Variants in MAP4 observed in about 807,000 individuals in gnomAD.
The protein encoded by MAP4 is microtubule associated protein 4.
In MAP4, 76 loss-of-function variants were observed where a neutral mutation model predicts 170.2. The observed-to-expected ratio is 0.45, with a 90% CI of 0.37 to 0.54. The LOEUF is 0.54. Among genes scored for constraint, MAP4 ranks in the 20% least tolerant of loss-of-function variants. The pLI, the probability that MAP4 is intolerant of heterozygous loss-of-function variation, is 0.00. For missense variants in MAP4, 2,506 were observed against 2,748.0 expected (o/e 0.91, Z 1.97); for synonymous variants, 909 against 994.5 (o/e 0.91, Z 1.62).
chr3:47,949,436 A>G (rs1329576236), intron 3 of MAP4, among the ~76,000 whole-genome samples: 2 of 148,636 alleles, frequency 1.3e-5, no homozygotes, highest in African/African-American at 5.0e-5. Context: ...ACTGCACTCC[A>G]ACCTGGGCAA....
chr3:48,004,610 T>G (rs2100101200), intron 1 of MAP4, among the ~76,000 whole-genome samples: 1 of 152,114 alleles, frequency 6.6e-6, no homozygotes. Context: ...AGACATAAGC[T>G]CTTATCATGC....
chr3:48,014,894 T>C (rs545405376), intron 1 of MAP4, among the ~76,000 whole-genome samples: 10 of 152,278 alleles, frequency 6.6e-5, no homozygotes, highest in African/African-American at 2.4e-4. Context: ...GATGGTTCTA[T>C]TGAAGATGTC....
intron 17 of MAP4, among the ~76,000 whole-genome samples, chr3:47,862,767 G>A (rs891643950): frequency 1.3e-5 from 2 of 151,828 alleles, no homozygotes; most frequent in African/African-American, 4.8e-5. Context: ...GTGAGCCACC[G>A]CGCCCAGCTA....
At chr3:47,946,437 T>C (rs2100059956) in intron 3 of MAP4, among the ~76,000 whole-genome samples, 2 of 150,894 alleles carry the variant, frequency 1.3e-5, no homozygotes, top group Admixed American at 1.3e-4. Flanking sequence ...GCAGATCACC[T>C]GAGGTCAGGA....
intron 20 of MAP4, 100 bp from the exon 21 acceptor site, chr3:47,853,038 G>A: frequency 1.9e-6 from 3 of 1,614,204 alleles, no homozygotes; most frequent in Middle Eastern, 1.6e-4. Flanking sequence ...ATCATTAGAT[G>A]CCTGGAAAAT....
intron 1 of MAP4, 29 bp from the exon 2 acceptor site, chr3:47,998,908 T>A (rs766011201): frequency 8.1e-7 from 1 of 1,237,700 alleles, no homozygotes; most frequent in Admixed American, 1.7e-5. Context: ...ATCTTTCATG[T>A]AACGAGCACT....
At position 47,859,713 on chromosome 3, in the gene MAP4, A is replaced by T. The variant is rs545441504; in HGVS notation, c.6502-2201T>A. 2.4e-4 allele frequency among the ~76,000 whole-genome samples: 36 copies of T among 152,374 alleles called. No individual in the cohort carries two copies. The South Asian group carries it at 7.3e-3, about 31-fold the overall frequency. On this transcript the variant is annotated intron_variant, in intron 17 of 20. Transcript: ENST00000683076. ...GATAATTACATACAGAGTAGTTACT[A>T]CTGTGAAAACACACAGCCTCTACTT...
intron 17 of MAP4, among the ~76,000 whole-genome samples, chr3:47,865,782 G>A (rs1283468273): frequency 6.6e-6 from 1 of 152,240 alleles, no homozygotes; most frequent in African/African-American, 2.4e-5. Context: ...GGCAGGGGCT[G>A]TACATGGCGG....
intron 3 of MAP4, among the ~76,000 whole-genome samples, chr3:47,941,110 C>A (rs1266951245): frequency 6.6e-6 from 1 of 150,664 alleles, no homozygotes; most frequent in African/African-American, 2.4e-5. Flanking sequence ...AACTCCTGAT[C>A]TCAGGTGATC....
chr3:47,891,378 C>G, intron 10 of MAP4: 1 of 1,536,046 alleles, frequency 6.5e-7, no homozygotes, highest in Non-Finnish European at 8.7e-7. Flanking sequence ...GGCAGTTTCC[C>G]AGGGCTCAAT....
At chr3:47,971,397 C>T (rs1444596011) in intron 3 of MAP4, among the ~76,000 whole-genome samples, 1 of 152,164 alleles carries the variant, frequency 6.6e-6, no homozygotes, top group Non-Finnish European at 1.5e-5. Context: ...TTTTCTGATG[C>T]TAAATCCTTT....
At chr3:47,857,351 C>T in intron 18 of MAP4, 80 bp downstream of exon 18, 1 of 1,152,866 alleles carries the variant, frequency 8.7e-7, no homozygotes, top group Non-Finnish European at 1.3e-6. Context: ...GAAACCCTTG[C>T]CAGCCAGCTG....
intron 17 of MAP4, among the ~76,000 whole-genome samples, chr3:47,864,813 G>C (rs1241889277): frequency 6.6e-6 from 1 of 152,232 alleles, no homozygotes; most frequent in Non-Finnish European, 1.5e-5. Context: ...GTTGCAGTGA[G>C]CCGAGATTAC....
intron 10 of MAP4, among the ~76,000 whole-genome samples, chr3:47,890,061 A>G (rs1051929900): frequency 2.0e-5 from 3 of 152,182 alleles, no homozygotes; most frequent in Non-Finnish European, 4.4e-5. Flanking sequence ...TAAATATTAG[A>G]GAAAACAGGT....
intron 2 of MAP4, chr3:47,987,408 G>A: frequency 2.0e-6 from 3 of 1,533,254 alleles, no homozygotes; most frequent in Non-Finnish European, 2.6e-6. Context: ...AAGAAAGGCT[G>A]GCAGGGTGTG....
At chr3:48,071,682 T>C (rs2100141096) in intron 1 of MAP4, among the ~76,000 whole-genome samples, 2 of 152,140 alleles carry the variant, frequency 1.3e-5, no homozygotes. Context: ...TCCAGCACTT[T>C]GGGAGGCCAA....
intron 1 of MAP4, among the ~76,000 whole-genome samples, chr3:48,077,783 C>T (rs2100144704): frequency 6.6e-6 from 1 of 151,998 alleles, no homozygotes. Flanking sequence ...AAATGCAACC[C>T]AAATGTTCAT....
chr3:47,858,605 GTGTGTGTGTGCGCGT>G (rs1374712564), intron 17 of MAP4, among the ~76,000 whole-genome samples: 50 of 139,318 alleles, frequency 3.6e-4, no homozygotes, highest in African/African-American at 1.4e-3. Context: ...GTGTGTGTGT[GTGTGTGTGTGCGCGT>G]TGTGTGTGTG....
chr3:47,877,195 C>T lies in MAP4; in HGVS notation c.5541+222G>A. On this transcript the variant is annotated intron_variant, in intron 11 of 20. Transcript: ENST00000683076. ...CCCGGCCTCTACAGAACATTTTTTA[C>T]AGATATATAAGATAATAGGGTCAAA... 3 of 435,346 alleles carry T rather than the reference C, an allele frequency of 6.9e-6. 1 individual carries two copies. In the South Asian group the frequency reaches 7.6e-5, roughly 11 times the overall value. The allele number at this position is 435,346 out of a possible 1,614,324, so 27.0% of individuals were successfully genotyped here. A position where few individuals can be genotyped will look rare whatever the true frequency, so the allele number is the denominator to read the frequency against.
Sources: gnomAD v4.1 joint callset for allele counts (sites outside exome capture counted in the v4.1 genomes callset) on GRCh38, gnomAD v4.1.1 for gene constraint, MANE v1.5 for transcripts, NCBI Gene and HGNC (gene_info 2026-07-23, HGNC 2026-07-21) for gene names.